LDB3: variants seen among roughly 807,000 people sequenced by gnomAD.
LDB3 encodes LIM domain binding 3, also known as LIM domain-binding protein 3.
In LDB3, 49 loss-of-function variants were observed where a neutral mutation model predicts 69.0. That is an observed-to-expected ratio of 0.71 (90% CI 0.56 to 0.90). The LOEUF (loss-of-function observed/expected upper bound fraction) is 0.90. LDB3 is among the 40% of genes least tolerant of loss of function. LDB3 has a pLI of 0.00. For synonymous variants in LDB3, 387 were observed against 396.2 expected (o/e 0.98, Z 0.28); for missense variants, 928 against 974.1 (o/e 0.95, Z 0.63).
chr10:86,716,509 G>C lies in LDB3; in HGVS notation c.1414G>C (p.Ala472Pro), dbSNP rs546736974. 1 of 1,611,388 alleles carries C rather than the reference G, an allele frequency of 6.2e-7. No individual in the cohort carries two copies. Among genetic ancestry groups the C allele is most frequent in the Admixed American group, 1.7e-5 (1 of 59,706 alleles). ...CTCACCTGCCCCCAACTATAACCCTGCACCCTCGGTGGCCTACAGCGGGGG... is the reference window on the plus strand; with the variant it reads ...CTCACCTGCCCCCAACTATAACCCTCCACCCTCGGTGGCCTACAGCGGGGG... ...TPSPAPNYNP[A>P]PSVAYSGGPA... Residue 472 changes from alanine to proline, a missense_variant, in exon 10 of 14, where the codon GCA (alanine) becomes CCA (proline). Transcript: ENST00000361373.
At chr10:86,687,295 G>A (rs779718739) in intron 5 of LDB3, 72 of 1,606,984 alleles carry the variant, frequency 4.5e-5, no homozygotes, top group South Asian at 2.2e-4. Flanking sequence ...CTCCTCCACC[G>A]CCACTCAGTG....
At chr10:86,715,271 T>C (rs1340788322) in intron 9 of LDB3, among the ~76,000 whole-genome samples, 4 of 152,068 alleles carry the variant, frequency 2.6e-5, no homozygotes, top group Admixed American at 2.6e-4. Context: ...ACATGCTTCC[T>C]AGGGTTGGGG....
rs1172476750 is a variant in LDB3, at chr10:86,681,577, C to T, written c.463C>T (p.Leu155Phe). Residue 155 changes from leucine to phenylalanine, a missense_variant, in exon 5 of 14, where the codon CTC becomes TTC. Physicochemically the swap from Leu to Phe is conservative, Grantham distance 22. Transcript: ENST00000361373. ...AFSRPSAFSS[L>F]AEASDPGPPR... ...CTCCCGGCCCTCCGCCTTCTCCTCACTCGCCGAGGCCTCTGACCCTGGCCC... is the reference window on the plus strand; with the variant it reads ...CTCCCGGCCCTCCGCCTTCTCCTCATTCGCCGAGGCCTCTGACCCTGGCCC... 1.9e-6 allele frequency: 3 copies of T among 1,613,056 alleles called. No homozygotes were observed. In the South Asian group the frequency reaches 3.3e-5, roughly 18 times the overall value.
chr10:86,711,716 G>A (rs1480565806), intron 9 of LDB3, among the ~76,000 whole-genome samples: 9 of 151,074 alleles, frequency 6.0e-5, no homozygotes, highest in Non-Finnish European at 1.5e-5. Context: ...TATCGCTGGC[G>A]CCCGAGGTGG....
chr10:86,675,339 C>A (rs1351559461), intron 2 of LDB3, among the ~76,000 whole-genome samples: 2 of 152,238 alleles, frequency 1.3e-5, no homozygotes, highest in Non-Finnish European at 2.9e-5. Context: ...AGTCAGATAG[C>A]CCTGCAGAGG....
chr10:86,712,173 G>A (rs922824579), intron 9 of LDB3, among the ~76,000 whole-genome samples: 1 of 152,180 alleles, frequency 6.6e-6, no homozygotes, highest in East Asian at 1.9e-4. Context: ...GGGCCACCGA[G>A]GCCGGGGAGG....
intron 10 of LDB3, 92 bp from the exon 11 acceptor site, chr10:86,717,872 G>T: frequency 8.4e-7 from 1 of 1,192,374 alleles, no homozygotes; most frequent in Non-Finnish European, 1.2e-6. Flanking sequence ...CAGAGTTATT[G>T]GGTAAAAGTA....
At chr10:86,695,950 G>C (rs1028629459) in intron 7 of LDB3, among the ~76,000 whole-genome samples, 45 of 152,206 alleles carry the variant, frequency 3.0e-4, no homozygotes, top group African/African-American at 1.0e-3. Context: ...GCCTGCCTGG[G>C]TAAAGAGCTC....
intron 2 of LDB3, among the ~76,000 whole-genome samples, chr10:86,675,458 C>T (rs10887643): frequency 0.21 from 31,319 of 152,230 alleles, 3,708 homozygotes; most frequent in East Asian, 0.44. Context: ...TCAGCATCTC[C>T]TCTGTGACCG....
At chr10:86,716,918 G>A (rs886177104) in intron 10 of LDB3, 147 bp downstream of exon 10, 1 of 845,018 alleles carries the variant, frequency 1.2e-6, no homozygotes, top group Non-Finnish European at 1.9e-6. Context: ...TTGCCATCTG[G>A]TCTTACCTCT....
At chr10:86,712,468 G>A (rs1490932449) in intron 9 of LDB3, among the ~76,000 whole-genome samples, 1 of 152,172 alleles carries the variant, frequency 6.6e-6, no homozygotes, top group African/African-American at 2.4e-5. Context: ...GCGGGCATCT[G>A]CTGTTGAGTC....
chr10:86,683,463 G>A lies in LDB3; in HGVS notation c.689+1660G>A, dbSNP rs560738142. On this transcript the variant is annotated intron_variant, in intron 5 of 13. Coordinates refer to ENST00000361373, the MANE Select transcript of LDB3 (RefSeq NM_007078.3). ...TCTGCCTGACTCCACTTTGCATTGAGACAGGGACTTGCTGCCTGCTCAGGG... is the reference window on the plus strand; with the variant it reads ...TCTGCCTGACTCCACTTTGCATTGAAACAGGGACTTGCTGCCTGCTCAGGG... 1.5e-4 allele frequency among the ~76,000 whole-genome samples: 23 copies of A among 152,392 alleles called. 1 individual carries two copies. Among genetic ancestry groups the A allele is most frequent in the Middle Eastern group, 6.8e-3 (2 of 294 alleles).
At chr10:86,678,636 C>A (rs138043642) in intron 2 of LDB3, among the ~76,000 whole-genome samples, 307 of 152,062 alleles carry the variant, frequency 2.0e-3, no homozygotes, top group African/African-American at 6.9e-3. Flanking sequence ...CCACGCCCAG[C>A]AGATGCCTGC....
intron 9 of LDB3, 135 bp from the exon 10 acceptor site, chr10:86,716,192 G>A (rs1846861741): frequency 1.0e-6 from 1 of 990,440 alleles, no homozygotes; most frequent in Admixed American, 1.8e-5. Flanking sequence ...TCAGGAACAA[G>A]TCTCCCAAAA....
chr10:86,685,239 T>C (rs1057350074), intron 5 of LDB3, among the ~76,000 whole-genome samples: 1 of 152,250 alleles, frequency 6.6e-6, no homozygotes, highest in East Asian at 1.9e-4. Context: ...CAAAACAGAC[T>C]CTTAGTCCGG....
intron 5 of LDB3, chr10:86,687,323 G>A (rs764557529): frequency 1.3e-6 from 2 of 1,545,768 alleles, no homozygotes; most frequent in Non-Finnish European, 1.8e-6. Context: ...AGCCCGAGGG[G>A]TATGGGCCAT....
Position 86,681,417 on chromosome 10 carries a change from A to G in LDB3, c.322-19A>G. 6.3e-7 allele frequency: 1 copy of G among 1,599,696 alleles called. No homozygotes were observed. The highest frequency in any genetic ancestry group is 8.5e-7 in the Non-Finnish European group (1 of 1,179,754). On this transcript the variant is annotated intron_variant, in intron 4 of 13. Transcript: ENST00000361373. ...AACCGCTCTCTTCTCTCTCCCCTGCATGGCCTGCCCTGTGCCAGGACCCCG... is the reference window on the plus strand; with the variant it reads ...AACCGCTCTCTTCTCTCTCCCCTGCGTGGCCTGCCCTGTGCCAGGACCCCG...
At chr10:86,666,916 T>C (rs1420968381), upstream of LDB3, 5 of 461,208 alleles carry the variant, frequency 1.1e-5, no homozygotes, top group Non-Finnish European at 2.2e-5. Flanking sequence ...GGTTATGCCC[T>C]GCTGCTGAGT....
At chr10:86,674,422 G>A (rs1414711061) in intron 2 of LDB3, among the ~76,000 whole-genome samples, 3 of 152,200 alleles carry the variant, frequency 2.0e-5, no homozygotes, top group Middle Eastern at 3.4e-3. Context: ...AGCTCTCCCT[G>A]GGCTGCCCTT....
Sources: gnomAD v4.1 joint callset for allele counts (sites outside exome capture counted in the v4.1 genomes callset) on GRCh38, gnomAD v4.1.1 for gene constraint, MANE v1.5 for transcripts, NCBI Gene and HGNC (gene_info 2026-07-23, HGNC 2026-07-21) for gene names.